Variants in LRRC7 observed in about 807,000 individuals in gnomAD.
LRRC7 encodes leucine-rich repeat-containing protein 7.
Under a neutral mutation model 175.7 loss-of-function variants are expected in LRRC7, and 23 were observed. That is an observed-to-expected ratio of 0.13 (90% CI 0.09 to 0.19). The LOEUF is 0.19. LRRC7 is among the 10% of genes least tolerant of loss of function. The pLI, the probability that LRRC7 is intolerant of heterozygous loss-of-function variation, is 1.00. For synonymous variants in LRRC7, 685 were observed against 680.9 expected (o/e 1.01, Z -0.09); for missense variants, 1,354 against 1,904.7 (o/e 0.71, Z 5.38).
intron 2 of LRRC7, among the ~76,000 whole-genome samples, chr1:69,706,129 A>G (rs1347386585): frequency 6.6e-6 from 1 of 151,688 alleles, no homozygotes; most frequent in Non-Finnish European, 1.5e-5. Context: ...TTGAGGCTTA[A>G]ATTAAATAAT....
At chr1:69,766,903 A>G (rs1671685534) in intron 3 of LRRC7, among the ~76,000 whole-genome samples, 1 of 152,142 alleles carries the variant, frequency 6.6e-6, no homozygotes, top group African/African-American at 2.4e-5. Context: ...TCGAGATGCA[A>G]TTTACATTCC....
At chr1:69,888,954 CAATA>C (rs1421743257) in intron 7 of LRRC7, among the ~76,000 whole-genome samples, 2 of 152,108 alleles carry the variant, frequency 1.3e-5, no homozygotes, top group African/African-American at 4.8e-5. Context: ...CACACCACCA[CAATA>C]AAGCAAATAT....
At chr1:69,634,735 T>C (rs888329109) in intron 1 of LRRC7, among the ~76,000 whole-genome samples, 3 of 152,086 alleles carry the variant, frequency 2.0e-5, no homozygotes, top group East Asian at 3.9e-4. Context: ...CTTAGGGTAC[T>C]TTGGACATGG....
chr1:69,952,053 T>TG (rs1463199564), intron 8 of LRRC7, among the ~76,000 whole-genome samples: 3 of 151,652 alleles, frequency 2.0e-5, no homozygotes, highest in African/African-American at 7.3e-5. Flanking sequence ...CCTATGAAAA[T>TG]GGATAAAAAC....
chr1:69,889,410 C>T (rs1431862660), intron 7 of LRRC7, among the ~76,000 whole-genome samples: 2 of 152,194 alleles, frequency 1.3e-5, no homozygotes, highest in Non-Finnish European at 2.9e-5. Flanking sequence ...TCCTCTCAAA[C>T]ATTTGTGGCT....
intron 1 of LRRC7, among the ~76,000 whole-genome samples, chr1:69,614,324 G>A (rs1390503153): frequency 2.6e-5 from 4 of 152,158 alleles, no homozygotes; most frequent in African/African-American, 9.6e-5. Flanking sequence ...AACACCAGGA[G>A]CATAATAAAC....
At chr1:69,628,881 C>G (rs993574574) in intron 1 of LRRC7, among the ~76,000 whole-genome samples, 1 of 152,080 alleles carries the variant, frequency 6.6e-6, no homozygotes, top group African/African-American at 2.4e-5. Flanking sequence ...AAGACAGTCT[C>G]TTCAACAAAT....
At chr1:70,083,935 C>T (rs887531995) in intron 24 of LRRC7, among the ~76,000 whole-genome samples, 9 of 152,178 alleles carry the variant, frequency 5.9e-5, no homozygotes, top group Non-Finnish European at 1.3e-4. Context: ...TCTCTTCTTC[C>T]AGTTTACCTC....
chr1:70,133,158 T>A lies in LRRC7; in HGVS notation c.*11271T>A, dbSNP rs11801993. ...GGAGACCTCATATCTACATTTTAAATCCCAGCCTTGGCAATTCTCTGGCTT... is the reference window on the plus strand; with the variant it reads ...GGAGACCTCATATCTACATTTTAAAACCCAGCCTTGGCAATTCTCTGGCTT... On this transcript the variant is annotated 3_prime_UTR_variant, in exon 27 of 27. Coordinates refer to ENST00000651989, the MANE Select transcript of LRRC7 (RefSeq NM_001370785.2). 0.027 allele frequency among the ~76,000 whole-genome samples: 4,093 copies of A among 152,174 alleles called. 116 individuals are homozygous for A. Among genetic ancestry groups the A allele is most frequent in the African/African-American group, 0.075 (3,124 of 41,514 alleles).
chr1:69,601,631 A>G (rs1647076964), intron 1 of LRRC7, among the ~76,000 whole-genome samples: 1 of 152,194 alleles, frequency 6.6e-6, no homozygotes. Flanking sequence ...TGCCATTTTT[A>G]ATTTAACAAT....
intron 1 of LRRC7, among the ~76,000 whole-genome samples, chr1:69,649,285 T>G (rs1352829775): frequency 6.6e-6 from 1 of 152,234 alleles, no homozygotes; most frequent in African/African-American, 2.4e-5. Context: ...AGTGCCTAGT[T>G]ACAGTGAGTA....
In LRRC7 at chr1:70,144,245, G is replaced by A. The variant is rs1188530966; in HGVS notation, c.*22358G>A. The A allele has an allele frequency of 1.3e-5, 2 of 152,162 alleles. No homozygotes were observed. Among genetic ancestry groups the A allele is most frequent in the African/African-American group, 2.4e-5 (1 of 41,432 alleles). 9.4% of individuals were successfully genotyped at this position (152,162 alleles called of 1,614,324 possible). A position where few individuals can be genotyped will look rare whatever the true frequency, so the allele number is the denominator to read the frequency against. ...AGGGACTAAAATAATGCTGTGCAGTGTATAGCAGAGCCATTTTTCGGCTTT... is the reference window on the plus strand; with the variant it reads ...AGGGACTAAAATAATGCTGTGCAGTATATAGCAGAGCCATTTTTCGGCTTT... On this transcript the variant is annotated 3_prime_UTR_variant, in exon 27 of 27. Coordinates refer to ENST00000651989, the MANE Select transcript of LRRC7 (RefSeq NM_001370785.2).
At chr1:69,766,285 C>A (rs1296323324) in intron 3 of LRRC7, among the ~76,000 whole-genome samples, 1 of 152,088 alleles carries the variant, frequency 6.6e-6, no homozygotes, top group African/African-American at 2.4e-5. Flanking sequence ...ATCTGGGTTT[C>A]TATAACTTAT....
At chr1:69,675,298 G>C (rs1224173989) in intron 1 of LRRC7, among the ~76,000 whole-genome samples, 1 of 152,074 alleles carries the variant, frequency 6.6e-6, no homozygotes, top group Admixed American at 6.6e-5. Flanking sequence ...GCCTTTGAAA[G>C]TACTTTCTAA....
intron 2 of LRRC7, among the ~76,000 whole-genome samples, chr1:69,718,536 G>T (rs974977122): frequency 5.9e-5 from 9 of 151,878 alleles, no homozygotes; most frequent in Non-Finnish European, 1.0e-4. Flanking sequence ...CTGGAGCTCT[G>T]GGATTGGATA....
At chr1:69,978,444 G>T (rs1557951153) in intron 8 of LRRC7, among the ~76,000 whole-genome samples, 2 of 152,174 alleles carry the variant, frequency 1.3e-5, no homozygotes, top group African/African-American at 4.8e-5. Flanking sequence ...CATGATTTAT[G>T]TTTTCCATTC....
At chr1:70,033,372 G>A (rs928121770) in intron 18 of LRRC7, among the ~76,000 whole-genome samples, 2 of 152,164 alleles carry the variant, frequency 1.3e-5, no homozygotes, top group Non-Finnish European at 2.9e-5. Context: ...TAGATAGAGT[G>A]TTTAGCATAG....
chr1:69,821,046 T>C (rs188981725), intron 4 of LRRC7, among the ~76,000 whole-genome samples: 1 of 152,212 alleles, frequency 6.6e-6, no homozygotes, highest in Non-Finnish European at 1.5e-5. Flanking sequence ...TTTTTAGTGA[T>C]CACCATTCTA....
At chr1:70,094,493 C>T (rs1459763408) in intron 25 of LRRC7, among the ~76,000 whole-genome samples, 1 of 152,006 alleles carries the variant, frequency 6.6e-6, no homozygotes, top group African/African-American at 2.4e-5. Context: ...CACCAATAAA[C>T]TCTAAATAAA....
Sources: allele counts gnomAD v4.1 joint callset (sites outside exome capture counted in the v4.1 genomes callset), GRCh38; gene constraint gnomAD v4.1.1; transcripts MANE v1.5; gene names NCBI Gene and HGNC (gene_info 2026-07-23, HGNC 2026-07-21).